Variants in SORCS1 observed in about 807,000 individuals in gnomAD.
SORCS1 encodes VPS10 domain-containing receptor SorCS1.
Under a neutral mutation model 146.1 loss-of-function variants are expected in SORCS1, and 60 were observed. The ratio of observed to expected loss-of-function variants is 0.41; its 90% confidence interval spans 0.33 to 0.51. SORCS1 has a LOEUF of 0.51. SORCS1 is among the 20% of genes least tolerant of loss of function. SORCS1 has a pLI of 0.21. For synonymous variants in SORCS1, 637 were observed against 584.0 expected, an observed-to-expected ratio of 1.09 and a Z score of -1.31; for missense variants, 1,352 against 1,487.6, an observed-to-expected ratio of 0.91 and a Z score of 1.50.
At chr10:106,724,059 G>A (rs1009756432) in intron 6 of SORCS1, among the ~76,000 whole-genome samples, 8 of 152,172 alleles carry the variant, frequency 5.3e-5, no homozygotes, top group Admixed American at 5.2e-4. Context: ...GAAAGAATGA[G>A]CATAAATAAT....
intron 1 of SORCS1, among the ~76,000 whole-genome samples, chr10:107,145,432 T>C (rs926114403): frequency 6.6e-6 from 1 of 152,234 alleles, no homozygotes; most frequent in Non-Finnish European, 1.5e-5. Context: ...TTTATTATCC[T>C]GGTTTTCTTT....
At chr10:107,100,422 G>A (rs1022288327) in intron 1 of SORCS1, among the ~76,000 whole-genome samples, 2 of 151,920 alleles carry the variant, frequency 1.3e-5, no homozygotes, top group Non-Finnish European at 2.9e-5. Flanking sequence ...GCTGAGGCAG[G>A]AGAATGGTGT....
intron 1 of SORCS1, 120 bp downstream of exon 1, chr10:107,163,849 G>A (rs1220552458): frequency 2.6e-6 from 3 of 1,168,924 alleles, no homozygotes; most frequent in Admixed American, 2.6e-5. Flanking sequence ...GCAGAGACCA[G>A]TTTGCAGCAT....
chr10:107,031,086 G>A (rs74154828), intron 1 of SORCS1, among the ~76,000 whole-genome samples: 5,816 of 152,242 alleles, frequency 0.038, 320 homozygotes, highest in African/African-American at 0.12. Context: ...AGCCTATGTG[G>A]AGGGTATTCA....
intron 18 of SORCS1, among the ~76,000 whole-genome samples, chr10:106,647,436 G>C (rs1849533863): frequency 7.9e-6 from 1 of 126,308 alleles, no homozygotes; most frequent in African/African-American, 2.7e-5. Context: ...TTGTGTAGAG[G>C]ATTTATATGT....
chr10:107,142,014 A>G (rs1414271877), intron 1 of SORCS1, among the ~76,000 whole-genome samples: 1 of 152,206 alleles, frequency 6.6e-6, no homozygotes, highest in Non-Finnish European at 1.5e-5. Context: ...GTGGGAAGAT[A>G]AAGTGGAGGA....
At chr10:106,715,137 T>C (rs1172684095) in intron 6 of SORCS1, among the ~76,000 whole-genome samples, 1 of 152,230 alleles carries the variant, frequency 6.6e-6, no homozygotes, top group African/African-American at 2.4e-5. Flanking sequence ...CCCTTGGGGC[T>C]TGCTGTAATA....
chr10:107,167,425 A>G (rs1256531634), upstream of SORCS1, among the ~76,000 whole-genome samples: 1 of 152,244 alleles, frequency 6.6e-6, no homozygotes, highest in Admixed American at 6.5e-5. Flanking sequence ...AAAGGCTAGT[A>G]GAGAACATAA....
intron 1 of SORCS1, among the ~76,000 whole-genome samples, chr10:107,107,756 TG>T (rs1421672484): frequency 6.6e-6 from 1 of 152,192 alleles, no homozygotes; most frequent in Non-Finnish European, 1.5e-5. Context: ...ATGGCAGACT[TG>T]GTGATCATGG....
At chr10:106,730,385 A>G (rs1172963179) in intron 5 of SORCS1, among the ~76,000 whole-genome samples, 1 of 152,232 alleles carries the variant, frequency 6.6e-6, no homozygotes, top group African/African-American at 2.4e-5. Flanking sequence ...TACAGGTCCT[A>G]CGCATGTTGG....
chr10:106,600,230 T>C (rs1055725040), intron 23 of SORCS1: 1 of 649,592 alleles, frequency 1.5e-6, no homozygotes. Flanking sequence ...AATAATTAAC[T>C]ACTTGGTTTT....
rs115977795 is a variant in SORCS1, at chr10:106,667,852, G to A, written c.2190-50C>T. ...CCTTTCACTAGGTGGCAAAATTACT[G>A]AAAACAATTCTACATCAGTCCACAG... On this transcript the variant is annotated intron_variant, in intron 16 of 25. Coordinates refer to ENST00000263054, the MANE Select transcript of SORCS1 (RefSeq NM_052918.5). 8.3e-3 allele frequency: 11,469 copies of A among 1,374,288 alleles called. 223 individuals carry two copies. Among genetic ancestry groups the A allele is most frequent in the South Asian group, 0.045 (3,742 of 82,820 alleles). The allele number at this position is 1,374,288 out of a possible 1,614,324, so 85.1% of individuals were successfully genotyped here.
At chr10:107,128,516 C>A (rs966799125) in intron 1 of SORCS1, among the ~76,000 whole-genome samples, 1 of 152,164 alleles carries the variant, frequency 6.6e-6, no homozygotes, top group Non-Finnish European at 1.5e-5. Flanking sequence ...TGTCTGAACT[C>A]GTTTTCTCAT....
At chr10:106,819,319 C>A (rs1221854365) in intron 3 of SORCS1, among the ~76,000 whole-genome samples, 1 of 152,170 alleles carries the variant, frequency 6.6e-6, no homozygotes, top group Non-Finnish European at 1.5e-5. Context: ...TCTAAGGGCA[C>A]ACAATTATTA....
At position 106,605,993 on chromosome 10, in the gene SORCS1, C is replaced by T. The variant is rs903463574; in HGVS notation, c.3165+1173G>A. On this transcript the variant is annotated intron_variant, in intron 23 of 25. Coordinates refer to ENST00000263054, the MANE Select transcript of SORCS1 (RefSeq NM_052918.5). ...TTAGTAAACAGAAAATCTCCAAGTA[C>T]TGGAAGGGAAACAGCCAATATTTAC... 2.6e-5 allele frequency among the ~76,000 whole-genome samples: 4 copies of T among 152,060 alleles called. No individual in the cohort carries two copies. The East Asian group carries it at 7.7e-4, about 29-fold the overall frequency.
intron 1 of SORCS1, among the ~76,000 whole-genome samples, chr10:106,976,616 C>T (rs545625060): frequency 6.6e-6 from 1 of 151,630 alleles, no homozygotes; most frequent in Non-Finnish European, 1.5e-5. Context: ...CAGGCGTGAG[C>T]CACCGCGCCC....
chr10:106,880,913 C>T (rs978385002), intron 2 of SORCS1, among the ~76,000 whole-genome samples: 1 of 151,510 alleles, frequency 6.6e-6, no homozygotes, highest in African/African-American at 2.4e-5. Context: ...ATGGTGAAAC[C>T]CCATCTCTAC....
At chr10:106,596,406 C>T (rs1401296756) in intron 24 of SORCS1, among the ~76,000 whole-genome samples, 1 of 152,204 alleles carries the variant, frequency 6.6e-6, no homozygotes, top group African/African-American at 2.4e-5. Flanking sequence ...TAATACATCA[C>T]AACAATGTCT....
chr10:106,648,264 T>C (rs533535780), intron 18 of SORCS1, among the ~76,000 whole-genome samples: 1 of 152,330 alleles, frequency 6.6e-6, no homozygotes, highest in African/African-American at 2.4e-5. Flanking sequence ...GTTACTGTAA[T>C]TCCCCTGTCA....
Sources: allele counts gnomAD v4.1 joint callset (sites outside exome capture counted in the v4.1 genomes callset), GRCh38; gene constraint gnomAD v4.1.1; transcripts MANE v1.5; gene names NCBI Gene and HGNC (gene_info 2026-07-23, HGNC 2026-07-21).